SYNJ1: variants seen among roughly 807,000 people sequenced by gnomAD.
The protein encoded by SYNJ1 is synaptojanin 1.
Under a neutral mutation model 168.2 loss-of-function variants are expected in SYNJ1, and 78 were observed. The observed-to-expected ratio is 0.46, with a 90% CI of 0.39 to 0.56. SYNJ1 has a LOEUF of 0.56. SYNJ1 is among the 20% of genes least tolerant of loss of function. SYNJ1 has a pLI of 0.00. For missense variants in SYNJ1, 1,303 were observed against 1,597.6 expected, an observed-to-expected ratio of 0.82 and a Z score of 3.14; for synonymous variants, 539 against 548.6, an observed-to-expected ratio of 0.98 and a Z score of 0.24.
chr21:32,660,753 C>T (rs1019064234), intron 18 of SYNJ1, among the ~76,000 whole-genome samples: 5 of 152,206 alleles, frequency 3.3e-5, no homozygotes, highest in African/African-American at 9.7e-5. Context: ...CTTGATATGC[C>T]TTTCTAACCC....
chr21:32,641,504 T>C (rs2039834035), intron 29 of SYNJ1, among the ~76,000 whole-genome samples: 2 of 152,172 alleles, frequency 1.3e-5, no homozygotes, highest in South Asian at 4.1e-4. Context: ...AGTTTTACTA[T>C]ACTGAATTTA....
chr21:32,679,510 C>G (rs1022674241), intron 11 of SYNJ1, among the ~76,000 whole-genome samples: 10 of 151,990 alleles, frequency 6.6e-5, no homozygotes, highest in African/African-American at 2.4e-4. Flanking sequence ...ATGTTAGTTA[C>G]CATAATGATT....
chr21:32,636,580 G>A (rs192261970), intron 31 of SYNJ1, among the ~76,000 whole-genome samples: 1 of 152,064 alleles, frequency 6.6e-6, no homozygotes, highest in Admixed American at 6.5e-5. Flanking sequence ...CTTGTAAATT[G>A]TTCAACTTAA....
intron 2 of SYNJ1, among the ~76,000 whole-genome samples, chr21:32,719,983 T>C (rs2043162422): frequency 6.6e-6 from 1 of 152,050 alleles, no homozygotes. Context: ...CTCACACCTG[T>C]AATCCCAGGA....
chr21:32,701,383 T>C (rs1270632387), intron 3 of SYNJ1, among the ~76,000 whole-genome samples: 1 of 152,142 alleles, frequency 6.6e-6, no homozygotes, highest in Non-Finnish European at 1.5e-5. Context: ...GGAAGCCACA[T>C]GTTGATTTGT....
At chr21:32,671,595 T>G (rs2041190142) in intron 14 of SYNJ1, among the ~76,000 whole-genome samples, 1 of 152,214 alleles carries the variant, frequency 6.6e-6, no homozygotes, top group African/African-American at 2.4e-5. Context: ...TCCTTCCCTT[T>G]CAATGTCTCA....
chr21:32,644,111 T>C (rs2039963956), intron 26 of SYNJ1, among the ~76,000 whole-genome samples: 1 of 152,156 alleles, frequency 6.6e-6, no homozygotes, highest in Admixed American at 6.5e-5. Context: ...AAAATTATCA[T>C]GGAAATTTAA....
At chr21:32,677,731 C>T (rs184674806) in intron 12 of SYNJ1, among the ~76,000 whole-genome samples, 10 of 152,176 alleles carry the variant, frequency 6.6e-5, no homozygotes, top group East Asian at 1.9e-4. Context: ...AGGAACTGTC[C>T]GTAATTAACT....
intron 2 of SYNJ1, among the ~76,000 whole-genome samples, chr21:32,725,773 T>G (rs1601558357): frequency 6.6e-6 from 1 of 152,306 alleles, no homozygotes; most frequent in East Asian, 1.9e-4. Context: ...AATCAGTAAC[T>G]AAACTAATCC....
At chr21:32,673,648 C>T (rs1336874428) in intron 13 of SYNJ1, 117 bp from the exon 14 acceptor site, 3 of 870,930 alleles carry the variant, frequency 3.4e-6, no homozygotes, top group African/African-American at 3.5e-5. Context: ...CAAGCACAAA[C>T]AAGCAAAAGA....
Position 32,643,483 on chromosome 21 carries a change from T to C in SYNJ1, c.3431-26A>G, listed in dbSNP as rs138328144. ...CTTTTTAGAGAAAGAACAGAAACTA[T>C]ATATTGTTCAGGGCCCACAGCACAG... On this transcript the variant is annotated intron_variant, in intron 26 of 32. Coordinates refer to ENST00000674351, the MANE Select transcript of SYNJ1 (RefSeq NM_203446.3). 5.2e-5 allele frequency: 83 copies of C among 1,610,734 alleles called. No homozygotes were observed. The East Asian group carries it at 1.6e-3, about 31-fold the overall frequency.
At chr21:32,672,774 G>C (rs771642245) in intron 14 of SYNJ1, among the ~76,000 whole-genome samples, 12 of 152,102 alleles carry the variant, frequency 7.9e-5, no homozygotes, top group Non-Finnish European at 1.3e-4. Context: ...TATTACATAA[G>C]TACCAATAAA....
intron 19 of SYNJ1, 138 bp downstream of exon 19, chr21:32,657,578 A>T: frequency 1.4e-6 from 1 of 725,992 alleles, no homozygotes; most frequent in Non-Finnish European, 2.0e-6. Context: ...TAAAAATCTG[A>T]CATATTTAAA....
At chr21:32,668,176 C>T (rs757987341) in intron 15 of SYNJ1, among the ~76,000 whole-genome samples, 2 of 152,122 alleles carry the variant, frequency 1.3e-5, no homozygotes, top group African/African-American at 2.4e-5. Flanking sequence ...GCGATTCTCC[C>T]TGCCTCAGCC....
In SYNJ1 at chr21:32,685,953, A is replaced by C. The variant is rs1203652389; in HGVS notation, c.949-36T>G. 4 of 1,584,676 alleles carry C rather than the reference A, an allele frequency of 2.5e-6. No individual in the cohort carries two copies. In the Admixed American group the frequency reaches 7.5e-5, roughly 30 times the overall value. On this transcript the variant is annotated intron_variant, in intron 8 of 32. Coordinates refer to ENST00000674351, the MANE Select transcript of SYNJ1 (RefSeq NM_203446.3). ...AAAGGCAAATATTCATCTAAATGAA[A>C]GTAAAAAGGCAAATATCCATCTAAA...
Position 32,650,345 on chromosome 21 carries a change from A to G in SYNJ1, c.2876T>C (p.Leu959Ser). ...AGCAATAGTTATAGTCCGATTCAAT[A>G]ACTAGCGGAGTAAAAGAGATATAAA... ...LNVLSLNGKE[L>S]LNRTITIALK... Residue 959 changes from leucine to serine, a missense_variant and splice_region_variant, in exon 23 of 33, where the codon TTA (leucine) becomes TCA (serine). Leu to Ser is a moderately radical substitution (Grantham distance 145). Transcript: ENST00000674351. 2 of 1,602,110 alleles carry G rather than the reference A, an allele frequency of 1.2e-6. No homozygotes were observed. Among genetic ancestry groups the G allele is most frequent in the Non-Finnish European group, 1.7e-6 (2 of 1,176,640 alleles).
intron 16 of SYNJ1, 28 bp from the exon 17 acceptor site, chr21:32,666,163 G>T (rs767780756): frequency 1.3e-5 from 20 of 1,570,466 alleles, no homozygotes; most frequent in Non-Finnish European, 1.6e-5. Flanking sequence ...CTAAATCGCA[G>T]ATTTGAAATT....
At chr21:32,720,006 G>A (rs1348796506) in intron 2 of SYNJ1, among the ~76,000 whole-genome samples, 4 of 151,780 alleles carry the variant, frequency 2.6e-5, no homozygotes, top group South Asian at 2.1e-4. Flanking sequence ...TTGGAAGGCC[G>A]AGGTGGGCAG....
intron 2 of SYNJ1, among the ~76,000 whole-genome samples, chr21:32,708,938 C>CT (rs2042715358): frequency 6.6e-6 from 1 of 151,972 alleles, no homozygotes; most frequent in Non-Finnish European, 1.5e-5. Flanking sequence ...GGCAAGATAG[C>CT]AAGACCCCAC....
Sources: allele counts gnomAD v4.1 joint callset (sites outside exome capture counted in the v4.1 genomes callset), GRCh38; gene constraint gnomAD v4.1.1; transcripts MANE v1.5; gene names NCBI Gene and HGNC (gene_info 2026-07-23, HGNC 2026-07-21).